The following DNAH5 variants were observed in gnomAD, a reference collection of about 807,000 sequenced individuals.
DNAH5 encodes the protein axonemal beta dynein heavy chain 5.
DNAH5 carries 372 observed loss-of-function variants against 518.2 expected under a neutral mutation model. That is an observed-to-expected ratio of 0.72 (90% CI 0.66 to 0.78). The LOEUF (loss-of-function observed/expected upper bound fraction) is 0.78. DNAH5 is among the 30% of genes least tolerant of loss of function. The probability of loss-of-function intolerance (pLI) is 0.00; values close to 1 mark genes in which losing one functional copy is unlikely to be tolerated. For missense variants in DNAH5, 5,523 were observed against 5,687.0 expected, an observed-to-expected ratio of 0.97 and a Z score of 0.93; for synonymous variants, 2,039 against 2,025.9, an observed-to-expected ratio of 1.01 and a Z score of -0.17.
intron 54 of DNAH5, 93 bp downstream of exon 54, chr5:13,777,109 T>G: frequency 8.0e-7 from 1 of 1,256,478 alleles, no homozygotes. Flanking sequence ...CCAATAGCAC[T>G]TATTCACACC....
rs376001456 is a variant in DNAH5 at position 13,830,667 on chromosome 5, G to A, written c.5991C>T (p.Leu1997=). 4.3e-5 allele frequency: 69 copies of A among 1,614,134 alleles called. No homozygotes were observed. The African/African-American group carries it at 5.7e-4, about 13-fold the overall frequency. ...AATTGAAAACCACGACGTATTTCCCGAGGCATCGTCCCATGTCTTTAGTGG... is the reference window on the plus strand; with the variant it reads ...AATTGAAAACCACGACGTATTTCCCAAGGCATCGTCCCATGTCTTTAGTGG... ...TETTKDMGRC[L]GKYVVVFNCS... Residue 1997 remains leucine (L), a synonymous_variant, in exon 36 of 79, where the codon CTC becomes CTT. Coordinates refer to ENST00000265104, the MANE Select transcript of DNAH5 (RefSeq NM_001369.3).
In DNAH5 at chr5:13,913,803, C is replaced by T. The variant is rs150994380; in HGVS notation, c.1476G>A (p.Thr492=). The part of the protein sequence containing the change: ...KIIDIFTTLK[T]YSVLQDSTIE... ...TTGTGGAATCTTGCAGGACTGAATA[C>T]GTCTTGAGGGTTGTAAAGATGTCTA... The change falls in exon 11 of 79, where the codon ACG becomes ACA. Residue 492 remains threonine (T), a synonymous_variant. Transcript: ENST00000265104. The T allele has an allele frequency of 3.3e-4, 534 of 1,613,500 alleles. 5 individuals are homozygous for T. In the African/African-American group the frequency reaches 5.3e-3, roughly 16 times the overall value.
intron 65 of DNAH5, among the ~76,000 whole-genome samples, chr5:13,743,576 G>T (rs1375577382): frequency 6.6e-6 from 1 of 151,488 alleles, no homozygotes; most frequent in Non-Finnish European, 1.5e-5. Flanking sequence ...TATCTAAGAG[G>T]GGATTAACAT....
chr5:13,761,458 T>A (rs370578422), intron 60 of DNAH5, among the ~76,000 whole-genome samples: 195 of 151,804 alleles, frequency 1.3e-3, no homozygotes, highest in African/African-American at 4.2e-3. Context: ...CCAGGCATGG[T>A]GGTGGGCGCC....
At position 13,751,454 on chromosome 5, in the gene DNAH5, G is replaced by A. The variant is rs144543911; in HGVS notation, c.11029-194C>T. On this transcript the variant is annotated intron_variant, in intron 64 of 78. Transcript: ENST00000265104. ...AAAGAAAGGAAGCAAAGAAGGATGGGAGGAAGAAACATATATATACACACA... is the reference window on the plus strand; with the variant it reads ...AAAGAAAGGAAGCAAAGAAGGATGGAAGGAAGAAACATATATATACACACA... Among the ~76,000 whole-genome samples the A allele has an allele frequency of 1.4e-3, 214 of 152,204 alleles. 2 individuals carry two copies. Among genetic ancestry groups the A allele is most frequent in the African/African-American group, 4.8e-3 (201 of 41,542 alleles).
chr5:13,809,782 G>C (rs1760292198), intron 45 of DNAH5, among the ~76,000 whole-genome samples: 1 of 152,150 alleles, frequency 6.6e-6, no homozygotes, highest in South Asian at 2.1e-4. Flanking sequence ...TATTGAATGA[G>C]TGACAGAAAT....
intron 51 of DNAH5, 145 bp from the exon 52 acceptor site, chr5:13,786,496 CAG>C (rs2126870469): frequency 1.3e-6 from 1 of 795,914 alleles, no homozygotes; most frequent in African/African-American, 1.7e-5. Context: ...TTTGCAAAAA[CAG>C]AAGACAACAA....
At chr5:13,770,727 T>C (rs764880704) in intron 56 of DNAH5, 22 bp downstream of exon 56, 23 of 1,604,882 alleles carry the variant, frequency 1.4e-5, no homozygotes, top group Middle Eastern at 1.6e-4. Flanking sequence ...AATATAGCTT[T>C]GTATAAGAAC....
At chr5:13,927,384 G>A (rs535838990) in intron 3 of DNAH5, among the ~76,000 whole-genome samples, 1 of 152,128 alleles carries the variant, frequency 6.6e-6, no homozygotes, top group Non-Finnish European at 1.5e-5. Context: ...CCCAGCTACA[G>A]GCTGGGACTG....
chr5:13,854,442 T>C (rs1479694413), intron 30 of DNAH5, among the ~76,000 whole-genome samples: 1 of 152,132 alleles, frequency 6.6e-6, no homozygotes, highest in Non-Finnish European at 1.5e-5. Context: ...CCATTGATAT[T>C]ATGAAGAAAC....
In DNAH5 at chr5:13,718,936, A is replaced by G; in HGVS notation, c.12445T>C (p.Phe4149Leu). 1 of 1,614,128 alleles carries G rather than the reference A, an allele frequency of 6.2e-7. No homozygotes were observed. Among genetic ancestry groups the G allele is most frequent in the Admixed American group, 1.7e-5 (1 of 60,022 alleles). Residue 4149 changes from phenylalanine to leucine, a missense_variant, in exon 72 of 79, where the codon TTT becomes CTT. Physicochemically the swap from Phe to Leu is conservative, Grantham distance 22 (BLOSUM62 0). Coordinates refer to ENST00000265104, the MANE Select transcript of DNAH5 (RefSeq NM_001369.3). ...AGTCCTTGTGGAGGATCGTTGGCAA[A>G]TTTAATGGACATCTGAAGGAGTGTA... ...PITLLQMSIK[F>L]ANDPPQGLRA...
In DNAH5 at chr5:13,758,880, T is replaced by C. The variant is rs768998968; in HGVS notation, c.10385A>G (p.Gln3462Arg). The C allele has an allele frequency of 5.0e-6, 8 of 1,614,066 alleles. No individual in the cohort carries two copies. The highest frequency in any genetic ancestry group is 1.3e-5 in the African/African-American group (1 of 74,938). Residue 3462 changes from glutamine (Q) to arginine (R), a missense_variant, in exon 61 of 79, where the codon CAG becomes CGG. This residue lies in a region of DNAH5 where 5,121 missense variants were observed against 5,223.3 expected (regional missense o/e 0.98). Coordinates refer to ENST00000265104, the MANE Select transcript of DNAH5 (RefSeq NM_001369.3). ...DDKQAELDVV[Q>R]AEYEQAMTEK... Reference sequence around the variant, plus strand: ...AGTCATGGCCTGTTCATACTCAGCCTGCACCACGTCAAGTTCCGCCTGCTT... The same window carrying C: ...AGTCATGGCCTGTTCATACTCAGCCCGCACCACGTCAAGTTCCGCCTGCTT...
At chr5:13,833,142 A>AAAAAAAAT (rs1380588509) in intron 35 of DNAH5, among the ~76,000 whole-genome samples, 2 of 125,144 alleles carry the variant, frequency 1.6e-5, no homozygotes, top group African/African-American at 3.3e-5. Context: ...AAAAAAAAAA[A>AAAAAAAAT]AGAATGTGTT....
Position 13,871,846 on chromosome 5 carries a change from G to C in DNAH5, c.3397-81C>G, listed in dbSNP as rs1561478743. ...TATAAGTGAATATTTACCAACTGCT[G>C]GTGGTTCCTATGGATTTATTAAAAT... On this transcript the variant is annotated intron_variant, in intron 22 of 78. Transcript: ENST00000265104. 3 of 1,235,072 alleles carry C rather than the reference G, an allele frequency of 2.4e-6. No individual in the cohort carries two copies. In the East Asian group the frequency reaches 7.2e-5, roughly 30 times the overall value. The allele number at this position is 1,235,072 out of a possible 1,614,324, so 76.5% of individuals were successfully genotyped here.
Position 13,752,263 on chromosome 5 carries a change from G to T in DNAH5, c.10899C>A (p.Phe3633Leu). 6.2e-7 allele frequency: 1 copy of T among 1,614,022 alleles called. No homozygotes were observed. Among genetic ancestry groups the T allele is most frequent in the Non-Finnish European group, 8.5e-7 (1 of 1,179,962 alleles). Reference sequence around the variant, plus strand: ...AAAGGCTGTCTTCCAGGTGGTTTCTGAAGTACTTGTGATTTAAAGACGTGA... The same window carrying T: ...AAAGGCTGTCTTCCAGGTGGTTTCTTAAGTACTTGTGATTTAAAGACGTGA... ...LQITSLNHKY[F>L]RNHLEDSLSL... The change falls in exon 64 of 79, where the codon TTC becomes TTA. Residue 3633 changes from phenylalanine to leucine, a missense_variant. Coordinates refer to ENST00000265104, the MANE Select transcript of DNAH5 (RefSeq NM_001369.3).
At chr5:13,821,474 G>A (rs1762227170) in intron 40 of DNAH5, among the ~76,000 whole-genome samples, 1 of 152,102 alleles carries the variant, frequency 6.6e-6, no homozygotes, top group South Asian at 2.1e-4. Context: ...ATAATAACAT[G>A]ATGGAAGGGA....
intron 31 of DNAH5, among the ~76,000 whole-genome samples, chr5:13,849,200 T>C (rs1031848808): frequency 6.6e-6 from 1 of 152,264 alleles, no homozygotes; most frequent in African/African-American, 2.4e-5. Context: ...GAATTTGTCC[T>C]TAACCAGCAG....
At position 13,910,353 on chromosome 5, in the gene DNAH5, G is replaced by A. The variant is rs181565992; in HGVS notation, c.1644+1033C>T. On this transcript the variant is annotated intron_variant, in intron 12 of 78. Transcript: ENST00000265104. ...AGCACCCACTTTATAGGATTATTAC[G>A]ATTATTAAATGAATTAGCACATACA... is the stretch of plus-strand genomic sequence containing the variant. 2.6e-4 allele frequency among the ~76,000 whole-genome samples: 40 copies of A among 152,236 alleles called. No individual in the cohort carries two copies. The East Asian group carries it at 7.1e-3, about 27-fold the overall frequency.
At chr5:13,921,819 G>A (rs1364422307) in intron 5 of DNAH5, among the ~76,000 whole-genome samples, 1 of 147,410 alleles carries the variant, frequency 6.8e-6, no homozygotes, top group Non-Finnish European at 1.5e-5. Context: ...AGTGCCACAA[G>A]CATTTCTGAC....
Sources: allele counts gnomAD v4.1 joint callset (sites outside exome capture counted in the v4.1 genomes callset), GRCh38; gene constraint gnomAD v4.1.1; regional missense constraint gnomAD v4.1.1; transcripts MANE v1.5; gene names NCBI Gene and HGNC (gene_info 2026-07-23, HGNC 2026-07-21).